The following B4GALNT2 variants were observed in gnomAD, a reference collection of about 807,000 sequenced individuals.
B4GALNT2 encodes beta-1,4-N-acetyl-galactosaminyltransferase 2 (SID blood group), also known as N-acetylneuraminylgalactosylglucosyl-glucoside beta-1,4-N- acetylgalactosaminyltransferase 2.
Under a neutral mutation model 51.1 loss-of-function variants are expected in B4GALNT2, and 42 were observed. The observed-to-expected ratio is 0.82, with a 90% CI of 0.64 to 1.06. The LOEUF (loss-of-function observed/expected upper bound fraction) is 1.06, where lower values mean the gene tolerates loss of function less well. Among genes scored for constraint, B4GALNT2 ranks in the 50% least tolerant of loss-of-function variants. The pLI is 0.00. For synonymous variants in B4GALNT2, 253 were observed against 251.7 expected (o/e 1.01, Z -0.05); for missense variants, 602 against 633.6 (o/e 0.95, Z 0.54).
At chr17:49,142,273 T>C (rs925734495) in intron 3 of B4GALNT2, 101 bp downstream of exon 3, 21 of 1,469,862 alleles carry the variant, frequency 1.4e-5, no homozygotes, top group Admixed American at 3.9e-5. Flanking sequence ...GAAGGAATTC[T>C]CTCTCTTGCA....
At chr17:49,121,494 A>C in the B4GALNT2 span, among the ~76,000 whole-genome samples, 1 of 152,208 alleles carries the variant, frequency 6.6e-6, no homozygotes, top group Admixed American at 6.5e-5. Context: ...ATAAGGGACG[A>C]GTAGACAGGG....
At chr17:49,144,558 G>T (rs2042674952) in intron 3 of B4GALNT2, among the ~76,000 whole-genome samples, 1 of 152,198 alleles carries the variant, frequency 6.6e-6, no homozygotes, top group Non-Finnish European at 1.5e-5. Flanking sequence ...TGCCAGCTAG[G>T]TGATCTTGGG....
intron 2 of B4GALNT2, 139 bp downstream of exon 2, chr17:49,141,586 C>A: frequency 1.1e-6 from 1 of 914,930 alleles, no homozygotes. Context: ...CAAGTGACTG[C>A]AAGCCAGGAT....
chr17:49,159,181 A>G lies in B4GALNT2; in HGVS notation c.643A>G (p.Thr215Ala). The change falls in exon 6 of 11, where the codon ACC (threonine) becomes GCC (alanine). Residue 215 changes from threonine (T) to alanine (A), a missense_variant. Physicochemically the swap from Thr to Ala is moderately conservative, Grantham distance 58. Transcript: ENST00000393354. ...LKFILQHVTY[T>A]STGYQHQKVD... is the part of the protein sequence containing the mutation. ...GTTCATTCTTCAGCACGTGACATAC[A>G]CCAGCACGGGGTACCAGCACCAGAA... is the stretch of plus-strand genomic sequence containing the variant. The G allele has an allele frequency of 6.2e-7, 1 of 1,614,168 alleles. No homozygotes were observed.
rs548211983 is a variant in B4GALNT2 at position 49,156,530 on chromosome 17, T to C, written c.461-36T>C. On this transcript the variant is annotated intron_variant, in intron 4 of 10. Transcript: ENST00000393354. Reference sequence around the variant, plus strand: ...CAGCGGGGAGCTGCGATGTCTTTCATGAGCAGTTTTCTTTCCTTTTCCCTG... The same window carrying C: ...CAGCGGGGAGCTGCGATGTCTTTCACGAGCAGTTTTCTTTCCTTTTCCCTG... 4.8e-5 allele frequency: 77 copies of C among 1,612,376 alleles called. 2 individuals carry two copies. In the Admixed American group the frequency reaches 1.3e-3, roughly 26 times the overall value.
At chr17:49,127,894 A>G (rs2042518738), upstream of B4GALNT2, among the ~76,000 whole-genome samples, 1 of 152,222 alleles carries the variant, frequency 6.6e-6, no homozygotes, top group African/African-American at 2.4e-5. Context: ...TCTTTCATAT[A>G]TGCACCAAGA....
chr17:49,142,320 G>A, intron 3 of B4GALNT2, 148 bp downstream of exon 3: 1 of 1,043,210 alleles, frequency 9.6e-7, no homozygotes, highest in Non-Finnish European at 1.3e-6. Context: ...ATGAAACAAA[G>A]AAGGAATCGA....
chr17:49,163,087 T>G (rs1303447214), intron 7 of B4GALNT2, among the ~76,000 whole-genome samples: 1 of 152,008 alleles, frequency 6.6e-6, no homozygotes, highest in African/African-American at 2.4e-5. Flanking sequence ...GCTGGCCCCA[T>G]GCCATGCAGA....
At chr17:49,140,977 A>G (rs1996881) in intron 1 of B4GALNT2, among the ~76,000 whole-genome samples, 21,593 of 151,874 alleles carry the variant, frequency 0.14, 2,016 homozygotes, top group East Asian at 0.44. Context: ...TCGGCCTCCC[A>G]AAATGCTGGG....
rs1173559679 is a variant in B4GALNT2 at position 49,169,697 on chromosome 17, ACTT to A, written c.1492_1494del (p.Phe498del). 2 of 1,595,842 alleles carry A rather than the reference ACTT, an allele frequency of 1.3e-6. No individual in the cohort carries two copies. Among genetic ancestry groups the A allele is most frequent in the Non-Finnish European group, 8.6e-7 (1 of 1,169,052 alleles). ...GTCCAGTTCAAGCTGGCCCTCCACTACTTCAAGAACCATCTCCAATGTGCCGCA... is the reference window on the plus strand; with the variant it reads ...GTCCAGTTCAAGCTGGCCCTCCACTACAAGAACCATCTCCAATGTGCCGCA... On this transcript the variant is annotated inframe_deletion, in exon 11 of 11. Transcript: ENST00000393354.
At chr17:49,121,785 T>A in the B4GALNT2 span, among the ~76,000 whole-genome samples, 5 of 152,190 alleles carry the variant, frequency 3.3e-5, no homozygotes, top group Non-Finnish European at 7.3e-5. Context: ...AGACAGGGCC[T>A]GCAGTGTGAT....
upstream of B4GALNT2, among the ~76,000 whole-genome samples, chr17:49,128,919 C>CAG (rs905600685): frequency 1.3e-5 from 2 of 152,138 alleles, no homozygotes; most frequent in Non-Finnish European, 2.9e-5. Context: ...AGTCAAAAGG[C>CAG]AGAGACCCAG....
In B4GALNT2 at chr17:49,152,874, AGGTGATG is replaced by A; in HGVS notation, c.429_435del (p.Glu143AspfsTer25). On this transcript the variant is annotated frameshift_variant, in exon 4 of 11. Transcript: ENST00000393354. LOFTEE classifies it high-confidence loss of function. ...TTTGGGTACCCAGTCCACGGAGTGGAGGTGATGCCCCTGCACACGGTTCCCATCCCAG... is the reference window on the plus strand; with the variant it reads ...TTTGGGTACCCAGTCCACGGAGTGGACCCCTGCACACGGTTCCCATCCCAG... 6.2e-7 allele frequency: 1 copy of A among 1,611,362 alleles called. No individual in the cohort carries two copies. The highest frequency in any genetic ancestry group is 8.5e-7 in the Non-Finnish European group (1 of 1,178,668).
chr17:49,159,296 C>A, intron 6 of B4GALNT2, 79 bp downstream of exon 6: 1 of 1,400,504 alleles, frequency 7.1e-7, no homozygotes, highest in South Asian at 1.3e-5. Flanking sequence ...CTTCCTCCTT[C>A]AGGAAGCCTT....
In B4GALNT2 at chr17:49,147,847, A is replaced by ATG. The variant is rs1354189393; in HGVS notation, c.354-4952_354-4951insGT. Reference sequence around the variant, plus strand: ...TGTTATATACATGTATGTTATATATATATGTGTGTGTGTGTGTGTATATAT... The same window carrying ATG: ...TGTTATATACATGTATGTTATATATATGTATGTGTGTGTGTGTGTGTATATAT... On this transcript the variant is annotated intron_variant, in intron 3 of 10. Transcript: ENST00000393354. 2.9e-3 allele frequency among the ~76,000 whole-genome samples: 431 copies of ATG among 148,158 alleles called. 3 individuals carry two copies. The highest frequency in any genetic ancestry group is 9.8e-3 in the African/African-American group (400 of 40,894).
At chr17:49,158,974 A>G (rs2042836751) in intron 5 of B4GALNT2, 63 bp from the exon 6 acceptor site, 1 of 1,556,722 alleles carries the variant, frequency 6.4e-7, no homozygotes. Context: ...GTATGTATGT[A>G]TCTTTCCAGG....
upstream of B4GALNT2, among the ~76,000 whole-genome samples, chr17:49,127,484 T>C (rs543068133): frequency 2.6e-5 from 4 of 152,248 alleles, no homozygotes; most frequent in African/African-American, 9.6e-5. Context: ...TCATGTGAAC[T>C]GAAGGTCCCA....
chr17:49,140,355 C>T (rs1007438941), intron 1 of B4GALNT2, among the ~76,000 whole-genome samples: 1 of 152,168 alleles, frequency 6.6e-6, no homozygotes, highest in Non-Finnish European at 1.5e-5. Context: ...CCGCCTTGGC[C>T]TCCCGAAGTG....
At chr17:49,160,514 AC>A in intron 6 of B4GALNT2, 40 bp from the exon 7 acceptor site, 1 of 1,577,420 alleles carries the variant, frequency 6.3e-7, no homozygotes, top group Non-Finnish European at 8.7e-7. Flanking sequence ...TTTAATCCAG[AC>A]ATGATACTCC....
Sources: gnomAD v4.1 joint callset for allele counts (sites outside exome capture counted in the v4.1 genomes callset) on GRCh38, gnomAD v4.1.1 for gene constraint, MANE v1.5 for transcripts, NCBI Gene and HGNC (gene_info 2026-07-23, HGNC 2026-07-21) for gene names.